Variants in IGF2BP3 observed in about 807,000 individuals in gnomAD.
The protein encoded by IGF2BP3 is insulin like growth factor 2 mRNA binding protein 3, also known as insulin-like growth factor 2 mRNA-binding protein 3.
A neutral mutation model predicts 73.8 loss-of-function variants in IGF2BP3; 9 were observed. The ratio of observed to expected loss-of-function variants is 0.12; its 90% CI spans 0.07 to 0.21. IGF2BP3 has a LOEUF of 0.21. IGF2BP3 is among the 10% of genes least tolerant of loss of function. IGF2BP3 has a pLI of 1.00. For missense variants in IGF2BP3, 542 were observed against 714.0 expected (o/e 0.76, Z 2.75); for synonymous variants, 258 against 256.7 (o/e 1.01, Z -0.05).
intron 2 of IGF2BP3, among the ~76,000 whole-genome samples, chr7:23,424,279 C>T (rs1787436751): frequency 6.6e-6 from 1 of 151,322 alleles, no homozygotes; most frequent in Non-Finnish European, 1.5e-5. Context: ...TCGGGGGAAT[C>T]ATTAGGTCAG....
intron 3 of IGF2BP3, among the ~76,000 whole-genome samples, chr7:23,393,616 G>T (rs1197633197): frequency 6.6e-6 from 1 of 152,186 alleles, no homozygotes; most frequent in Non-Finnish European, 1.5e-5. Context: ...CTCAGACGAT[G>T]AACCATTTGA....
intron 2 of IGF2BP3, among the ~76,000 whole-genome samples, chr7:23,462,364 C>CT (rs60416705): frequency 0.011 from 1,589 of 143,238 alleles, 19 homozygotes; most frequent in Non-Finnish European, 0.012. Flanking sequence ...AAGAATATTT[C>CT]TTTTTTTTTT....
chr7:23,310,674 G>C lies in IGF2BP3; in HGVS notation c.*1688C>G, dbSNP rs994487161. ...TTGGTTAAAACTACAAAAGAAACTT[G>C]TTTTCAGAGAACATTAAGGAAAACA... On this transcript the variant is annotated 3_prime_UTR_variant, in exon 15 of 15. Coordinates refer to ENST00000258729, the MANE Select transcript of IGF2BP3 (RefSeq NM_006547.3). The C allele has an allele frequency of 6.6e-6, 1 of 152,092 alleles. No homozygotes were observed. The highest frequency in any genetic ancestry group is 1.5e-5 in the Non-Finnish European group (1 of 68,012). The allele number at this position is 152,092 out of a possible 1,614,324, so 9.4% of individuals were successfully genotyped here. A position where few individuals can be genotyped will look rare whatever the true frequency, so the allele number is the denominator to read the frequency against.
At chr7:23,337,663 C>T (rs1435505186) in intron 10 of IGF2BP3, among the ~76,000 whole-genome samples, 1 of 152,230 alleles carries the variant, frequency 6.6e-6, no homozygotes, top group Non-Finnish European at 1.5e-5. Context: ...TATCCTCAGG[C>T]AGTGTCCTTA....
chr7:23,441,151 C>T (rs1286677366), intron 2 of IGF2BP3, among the ~76,000 whole-genome samples: 1 of 152,056 alleles, frequency 6.6e-6, no homozygotes, highest in Non-Finnish European at 1.5e-5. Flanking sequence ...GAATAAATAG[C>T]ATCAAAACCA....
intron 10 of IGF2BP3, among the ~76,000 whole-genome samples, chr7:23,335,503 C>T (rs966717358): frequency 6.6e-5 from 10 of 151,892 alleles, no homozygotes; most frequent in Non-Finnish European, 1.5e-4. Flanking sequence ...GTTGCCCAGC[C>T]TGATCTCAAG....
intron 3 of IGF2BP3, among the ~76,000 whole-genome samples, chr7:23,364,534 C>T (rs1437083330): frequency 4.0e-5 from 4 of 99,312 alleles, no homozygotes; most frequent in Admixed American, 1.7e-4. Context: ...GGAAACAGAG[C>T]GAGACTTTGT....
At chr7:23,421,199 G>A (rs545056309) in intron 2 of IGF2BP3, among the ~76,000 whole-genome samples, 96 of 151,978 alleles carry the variant, frequency 6.3e-4, no homozygotes, top group Non-Finnish European at 1.0e-3. Context: ...TAGTAGAGAC[G>A]GGGTTTCACC....
chr7:23,358,541 A>T (rs1181586206), intron 5 of IGF2BP3, among the ~76,000 whole-genome samples: 1 of 152,214 alleles, frequency 6.6e-6, no homozygotes, highest in Non-Finnish European at 1.5e-5. Context: ...CTATAAATAC[A>T]TGCATATATG....
chr7:23,395,265 C>T (rs985010400), intron 3 of IGF2BP3, among the ~76,000 whole-genome samples: 1 of 151,894 alleles, frequency 6.6e-6, no homozygotes, highest in East Asian at 1.9e-4. Context: ...CCAAAACAAC[C>T]TGAACTATTT....
intron 3 of IGF2BP3, among the ~76,000 whole-genome samples, chr7:23,399,027 G>A (rs1786571698): frequency 6.6e-6 from 1 of 152,126 alleles, no homozygotes; most frequent in Admixed American, 6.6e-5. Context: ...TTCTTCTAGG[G>A]TTTTTATGGT....
At chr7:23,409,570 C>T (rs1786952213) in intron 3 of IGF2BP3, among the ~76,000 whole-genome samples, 1 of 152,076 alleles carries the variant, frequency 6.6e-6, no homozygotes, top group African/African-American at 2.4e-5. Flanking sequence ...ATAAAAGAGT[C>T]CAGAAACAGA....
chr7:23,337,270 A>C (rs578233235), intron 10 of IGF2BP3, among the ~76,000 whole-genome samples: 32 of 152,278 alleles, frequency 2.1e-4, no homozygotes, highest in African/African-American at 7.7e-4. Context: ...TGAAAGTAGA[A>C]TTTACTCTAA....
At chr7:23,320,421 A>T (rs1784104913) in intron 10 of IGF2BP3, among the ~76,000 whole-genome samples, 1 of 151,188 alleles carries the variant, frequency 6.6e-6, no homozygotes, top group South Asian at 2.1e-4. Context: ...TGGGCTCCTA[A>T]AAAGGCCAAT....
chr7:23,316,674 CAAAA>C (rs1271667588), intron 12 of IGF2BP3, among the ~76,000 whole-genome samples: 1 of 50,146 alleles, frequency 2.0e-5, no homozygotes, highest in Non-Finnish European at 4.3e-5. Flanking sequence ...GACTCTGTCT[CAAAA>C]AAAAAAAAAA....
At chr7:23,465,206 A>G (rs1788537606) in intron 2 of IGF2BP3, among the ~76,000 whole-genome samples, 1 of 152,142 alleles carries the variant, frequency 6.6e-6, no homozygotes, top group Admixed American at 6.5e-5. Context: ...AGTACCAACT[A>G]TTTTCCACAC....
chr7:23,401,062 G>A (rs1214528772), intron 3 of IGF2BP3, among the ~76,000 whole-genome samples: 1 of 152,144 alleles, frequency 6.6e-6, no homozygotes, highest in African/African-American at 2.4e-5. Context: ...CCCCCAAAGT[G>A]CTGGAATTAC....
At chr7:23,370,685 T>G (rs1000301695) in intron 3 of IGF2BP3, among the ~76,000 whole-genome samples, 2 of 149,284 alleles carry the variant, frequency 1.3e-5, no homozygotes, top group African/African-American at 2.4e-5. Flanking sequence ...GTTTTTTTGT[T>G]TTTTTTTTTT....
intron 2 of IGF2BP3, among the ~76,000 whole-genome samples, chr7:23,451,960 T>C (rs1788209429): frequency 6.6e-6 from 1 of 150,420 alleles, no homozygotes; most frequent in Admixed American, 6.6e-5. Context: ...AAAAGGAATA[T>C]ATGGTTAGAA....
Sources: gnomAD v4.1 joint callset for allele counts (sites outside exome capture counted in the v4.1 genomes callset) on GRCh38, gnomAD v4.1.1 for gene constraint, MANE v1.5 for transcripts, NCBI Gene and HGNC (gene_info 2026-07-23, HGNC 2026-07-21) for gene names.